Variants in FMN1 observed in about 807,000 individuals in gnomAD.
The protein encoded by FMN1 is formin-1.
Under a neutral mutation model 132.4 loss-of-function variants are expected in FMN1, and 110 were observed. The observed-to-expected ratio is 0.83, with a 90% CI of 0.71 to 0.97. FMN1 has a LOEUF of 0.97. Among genes scored for constraint, FMN1 ranks in the 50% least tolerant of loss-of-function variants. FMN1 has a pLI of 0.00. For synonymous variants in FMN1, 722 were observed against 651.7 expected, an observed-to-expected ratio of 1.11 and a Z score of -1.64; for missense variants, 1,792 against 1,705.3, an observed-to-expected ratio of 1.05 and a Z score of -0.90.
At chr15:32,913,311 AT>A (rs1244598705) in intron 10 of FMN1, among the ~76,000 whole-genome samples, 2 of 152,140 alleles carry the variant, frequency 1.3e-5, no homozygotes, top group Non-Finnish European at 2.9e-5. Context: ...TCCATCCTTC[AT>A]TGTACCAAGG....
At chr15:33,082,970 G>T (rs979692937) in intron 5 of FMN1, among the ~76,000 whole-genome samples, 1 of 152,000 alleles carries the variant, frequency 6.6e-6, no homozygotes, top group Non-Finnish European at 1.5e-5. Flanking sequence ...CAGAGCTTTG[G>T]GTTCAGTCTT....
intron 9 of FMN1, among the ~76,000 whole-genome samples, chr15:32,942,925 G>T (rs2061430494): frequency 6.6e-6 from 1 of 152,104 alleles, no homozygotes; most frequent in Non-Finnish European, 1.5e-5. Flanking sequence ...ACAAATAAAT[G>T]TAGAAACCAT....
At chr15:33,007,916 G>A (rs925420379) in intron 7 of FMN1, 98 bp downstream of exon 7, 59 of 1,045,020 alleles carry the variant, frequency 5.6e-5, no homozygotes, top group Admixed American at 1.5e-4. Context: ...ATGCTGTCTA[G>A]TTTAACACTT....
intron 15 of FMN1, among the ~76,000 whole-genome samples, chr15:32,898,067 G>A (rs138912824): frequency 1.2e-4 from 18 of 152,274 alleles, no homozygotes; most frequent in African/African-American, 4.3e-4. Context: ...GTATTATGGA[G>A]TTCATCAGTG....
At chr15:32,922,138 G>C (rs972479895) in intron 10 of FMN1, among the ~76,000 whole-genome samples, 3 of 152,090 alleles carry the variant, frequency 2.0e-5, no homozygotes, top group Admixed American at 6.5e-5. Context: ...CCACCATCCT[G>C]GGTGTGCCTG....
chr15:32,911,894 A>T (rs8025966), intron 10 of FMN1, among the ~76,000 whole-genome samples: 3,793 of 152,258 alleles, frequency 0.025, 67 homozygotes, highest in Non-Finnish European at 0.034. Flanking sequence ...TCCTCTCAAG[A>T]CTGTTATTTT....
intron 6 of FMN1, chr15:33,062,991 C>G (rs2037555570): frequency 6.6e-6 from 1 of 152,154 alleles, no homozygotes; most frequent in Admixed American, 6.5e-5. Context: ...TGTCTTTGTG[C>G]CCTTGTACTA....
chr15:32,777,613 CAT>C (rs10672366), intron 19 of FMN1, among the ~76,000 whole-genome samples: 388 of 23,032 alleles, frequency 0.017, 45 homozygotes, highest in African/African-American at 0.053. Flanking sequence ...TTACGTATAA[CAT>C]AACACATTTA....
rs181868277 is a variant in FMN1, at chr15:33,165,421, C to T, written c.-131-10376G>A. 4.7e-3 allele frequency among the ~76,000 whole-genome samples: 710 copies of T among 152,264 alleles called. 3 individuals carry two copies. Among genetic ancestry groups the T allele is most frequent in the Middle Eastern group, 0.01 (3 of 294 alleles). On this transcript the variant is annotated intron_variant, in intron 3 of 20. Coordinates refer to ENST00000616417, the MANE Select transcript of FMN1 (RefSeq NM_001277313.2). ...CTTTCTTTTTTTTGAGACGGAGTCT[C>T]GCTCTGTCACCCAGGCTGGAGTGCA...
At chr15:33,008,469 G>C (rs1179310962) in intron 6 of FMN1, among the ~76,000 whole-genome samples, 2 of 151,858 alleles carry the variant, frequency 1.3e-5, no homozygotes, top group Admixed American at 1.3e-4. Context: ...TTCTATGTGA[G>C]ATCAGAGCAC....
Position 32,968,995 on chromosome 15 carries a change from C to A in FMN1, c.2706G>T (p.Pro902=). The A allele has an allele frequency of 2.8e-6, 3 of 1,088,830 alleles. No individual in the cohort carries two copies. Among genetic ancestry groups the A allele is most frequent in the Non-Finnish European group, 2.6e-6 (2 of 762,684 alleles). 67.4% of individuals were successfully genotyped at this position (1,088,830 alleles called of 1,614,324 possible). A position where few individuals can be genotyped will look rare whatever the true frequency, so the allele number is the denominator to read the frequency against. The part of the protein sequence containing the change: ...PPMPPVSAGP[P]LPPPPPPPPP... ...GCGGTGGAGGAGGCGGAGGTGGTAG[C>A]GGTGGCCCAGCACTCACAGGTGGCA... The change falls in exon 8 of 21, where the codon CCG becomes CCT. Residue 902 remains proline, a synonymous_variant. Transcript: ENST00000616417.
chr15:32,952,800 G>A (rs867088661), intron 9 of FMN1, among the ~76,000 whole-genome samples: 2 of 152,138 alleles, frequency 1.3e-5, no homozygotes, highest in South Asian at 4.1e-4. Context: ...ATGAAAACAC[G>A]AAAACTCAGG....
intron 6 of FMN1, chr15:33,013,075 C>A: frequency 2.5e-6 from 1 of 407,332 alleles, no homozygotes; most frequent in Non-Finnish European, 4.8e-6. Flanking sequence ...TTAATTACTG[C>A]CAGGAAACAA....
At chr15:32,883,666 C>A (rs1171006584) in intron 16 of FMN1, among the ~76,000 whole-genome samples, 1 of 151,996 alleles carries the variant, frequency 6.6e-6, no homozygotes, top group African/African-American at 2.4e-5. Context: ...ATTTCACCAA[C>A]AACCGTGTTG....
At chr15:33,169,659 G>T (rs191823557) in intron 3 of FMN1, among the ~76,000 whole-genome samples, 1 of 150,098 alleles carries the variant, frequency 6.7e-6, no homozygotes, top group Non-Finnish European at 1.5e-5. Context: ...TATATAATAA[G>T]TATAGCAAAT....
At chr15:33,135,188 A>C (rs1212937211) in intron 4 of FMN1, among the ~76,000 whole-genome samples, 1 of 152,110 alleles carries the variant, frequency 6.6e-6, no homozygotes, top group Non-Finnish European at 1.5e-5. Flanking sequence ...AAAATGTTTG[A>C]CTTGCACTTT....
At chr15:32,967,307 A>C (rs549205929) in intron 8 of FMN1, among the ~76,000 whole-genome samples, 1 of 152,304 alleles carries the variant, frequency 6.6e-6, no homozygotes, top group African/African-American at 2.4e-5. Context: ...TTGCTCATGA[A>C]GTCTCTCAGG....
chr15:32,919,077 G>A (rs1191574331), intron 10 of FMN1, among the ~76,000 whole-genome samples: 1 of 152,178 alleles, frequency 6.6e-6, no homozygotes. Context: ...CAGCAGGTCA[G>A]GGTCACATGG....
intron 20 of FMN1, among the ~76,000 whole-genome samples, chr15:32,775,418 T>C (rs2056384655): frequency 6.6e-6 from 1 of 152,104 alleles, no homozygotes; most frequent in Admixed American, 6.5e-5. Flanking sequence ...CTTTTGTCTA[T>C]ATGGCTGACC....
Sources: gnomAD v4.1 joint callset for allele counts (sites outside exome capture counted in the v4.1 genomes callset) on GRCh38, gnomAD v4.1.1 for gene constraint, MANE v1.5 for transcripts, NCBI Gene and HGNC (gene_info 2026-07-23, HGNC 2026-07-21) for gene names.